The following NTM variants were observed in gnomAD, a reference collection of about 807,000 sequenced individuals.
The protein encoded by NTM is IgLON family member 2.
A neutral mutation model predicts 42.1 loss-of-function variants in NTM; 13 were observed. The observed-to-expected ratio is 0.31, with a 90% CI of 0.20 to 0.49. NTM has a LOEUF of 0.49. NTM is among the 20% of genes least tolerant of loss of function. The pLI, the probability that NTM is intolerant of heterozygous loss-of-function variation, is 0.99. For synonymous variants in NTM, 187 were observed against 179.2 expected (o/e 1.04, Z -0.35); for missense variants, 373 against 452.8 (o/e 0.82, Z 1.60).
intron 1 of NTM, among the ~76,000 whole-genome samples, chr11:131,551,983 A>T (rs2054724339): frequency 6.6e-6 from 1 of 152,068 alleles, no homozygotes; most frequent in Non-Finnish European, 1.5e-5. Context: ...ACCATTAGAC[A>T]ATGCAGCAGA....
At chr11:131,725,873 C>T (rs991319443) in intron 1 of NTM, among the ~76,000 whole-genome samples, 4 of 152,118 alleles carry the variant, frequency 2.6e-5, no homozygotes, top group South Asian at 2.1e-4. Context: ...GCTTGTGGAG[C>T]GACAGACCAC....
intron 4 of NTM, among the ~76,000 whole-genome samples, chr11:132,271,089 C>G (rs148203425): frequency 3.0e-4 from 46 of 152,268 alleles, no homozygotes; most frequent in African/African-American, 1.1e-3. Flanking sequence ...AGCACATTAC[C>G]TTCCCTAAGG....
At chr11:131,504,394 A>T (rs1168392857) in intron 1 of NTM, among the ~76,000 whole-genome samples, 1 of 152,194 alleles carries the variant, frequency 6.6e-6, no homozygotes, top group African/African-American at 2.4e-5. Flanking sequence ...TAAATCAGAT[A>T]GGACCGCAGC....
At chr11:131,376,339 C>T (rs1041879507) in intron 1 of NTM, among the ~76,000 whole-genome samples, 7 of 152,190 alleles carry the variant, frequency 4.6e-5, no homozygotes, top group Admixed American at 6.5e-5. Context: ...CTGTCTGTTT[C>T]GGTTTTTCTT....
intron 1 of NTM, among the ~76,000 whole-genome samples, chr11:131,608,676 C>T (rs1475513063): frequency 3.9e-5 from 6 of 152,104 alleles, no homozygotes; most frequent in South Asian, 2.1e-4. Flanking sequence ...AATTATTCCT[C>T]GCTCTTTTTG....
chr11:131,628,260 C>T (rs2063318107), intron 1 of NTM, among the ~76,000 whole-genome samples: 1 of 152,172 alleles, frequency 6.6e-6, no homozygotes, highest in Non-Finnish European at 1.5e-5. Flanking sequence ...ACGGGTGACC[C>T]CTTCCTCCCA....
intron 1 of NTM, among the ~76,000 whole-genome samples, chr11:131,866,622 G>A (rs963649013): frequency 6.6e-6 from 1 of 152,212 alleles, no homozygotes; most frequent in Non-Finnish European, 1.5e-5. Context: ...CGCCCTCCAT[G>A]GCGCCCAAGA....
intron 1 of NTM, among the ~76,000 whole-genome samples, chr11:131,373,974 C>T (rs575552263): frequency 1.0e-3 from 152 of 152,322 alleles, no homozygotes; most frequent in Non-Finnish European, 1.8e-3. Context: ...CGGCCAGGTT[C>T]CTGCCATGCA....
intron 1 of NTM, among the ~76,000 whole-genome samples, chr11:131,542,869 T>C (rs2053465365): frequency 6.6e-6 from 1 of 152,198 alleles, no homozygotes; most frequent in African/African-American, 2.4e-5. Context: ...CTAATTTCCC[T>C]GGTTGCTTAG....
chr11:131,673,638 A>G (rs1038188055), intron 1 of NTM, among the ~76,000 whole-genome samples: 2 of 152,110 alleles, frequency 1.3e-5, no homozygotes, highest in Non-Finnish European at 2.9e-5. Flanking sequence ...AACTCTGCAA[A>G]AATGCTCTTC....
chr11:131,641,726 T>C (rs1055399466), intron 1 of NTM, among the ~76,000 whole-genome samples: 1 of 96,168 alleles, frequency 1.0e-5, no homozygotes, highest in South Asian at 5.1e-4. Flanking sequence ...TCTAATAGTC[T>C]AGATTTTTTT....
chr11:132,153,543 G>C (rs1487881383), intron 3 of NTM, among the ~76,000 whole-genome samples: 2 of 152,188 alleles, frequency 1.3e-5, no homozygotes, highest in Non-Finnish European at 2.9e-5. Flanking sequence ...GCAATATCAA[G>C]AGCAGCTGAC....
chr11:132,211,012 G>C (rs772634938), intron 3 of NTM, among the ~76,000 whole-genome samples: 17 of 152,162 alleles, frequency 1.1e-4, no homozygotes, highest in Non-Finnish European at 8.8e-5. Context: ...TCCCCACCAG[G>C]TGTGTAGAAT....
At chr11:132,250,062 C>A (rs1332362154) in intron 4 of NTM, among the ~76,000 whole-genome samples, 1 of 152,176 alleles carries the variant, frequency 6.6e-6, no homozygotes, top group Non-Finnish European at 1.5e-5. Flanking sequence ...TGGGAGAGCT[C>A]TGCTGCTAGT....
At chr11:131,969,805 C>A (rs998027743) in intron 2 of NTM, among the ~76,000 whole-genome samples, 2 of 152,116 alleles carry the variant, frequency 1.3e-5, no homozygotes, top group East Asian at 3.9e-4. Context: ...AAAGAAAGAG[C>A]GATGATAAAT....
At chr11:131,411,703 C>T (rs1313037118) in intron 1 of NTM, among the ~76,000 whole-genome samples, 2 of 151,952 alleles carry the variant, frequency 1.3e-5, no homozygotes, top group Admixed American at 6.6e-5. Flanking sequence ...GAGGAAACCC[C>T]CGGTGTCCCC....
At chr11:131,510,203 C>T (rs753942585) in intron 1 of NTM, among the ~76,000 whole-genome samples, 2 of 152,184 alleles carry the variant, frequency 1.3e-5, no homozygotes, top group Non-Finnish European at 2.9e-5. Flanking sequence ...AGAATGAGCC[C>T]TACACTGTGT....
At chr11:132,142,501 T>C (rs186037624) in intron 2 of NTM, among the ~76,000 whole-genome samples, 4 of 152,346 alleles carry the variant, frequency 2.6e-5, no homozygotes. Context: ...CTTTTCTTTT[T>C]TTAACCGAGG....
chr11:131,689,091 G>A (rs894982681), intron 1 of NTM, among the ~76,000 whole-genome samples: 1 of 151,340 alleles, frequency 6.6e-6, no homozygotes. Flanking sequence ...GAAAATCCCC[G>A]CAGCCCCCGA....
Sources: gnomAD v4.1 joint callset for allele counts (sites outside exome capture counted in the v4.1 genomes callset) on GRCh38, gnomAD v4.1.1 for gene constraint, MANE v1.5 for transcripts, NCBI Gene and HGNC (gene_info 2026-07-23, HGNC 2026-07-21) for gene names.